RAB3B: variants seen among roughly 807,000 people sequenced by gnomAD.
The protein encoded by RAB3B is ras-related protein Rab-3B.
RAB3B carries 11 observed loss-of-function variants against 20.5 expected under a neutral mutation model. The observed-to-expected ratio is 0.54, with a 90% confidence interval of 0.34 to 0.89. RAB3B has a LOEUF of 0.89. Ranked by LOEUF, RAB3B falls within the 40% of genes least tolerant of loss-of-function variation. The pLI is 0.02. For missense variants in RAB3B, 225 were observed against 280.9 expected (o/e 0.80, Z 1.42); for synonymous variants, 99 against 106.3 (o/e 0.93, Z 0.42).
intron 1 of RAB3B, among the ~76,000 whole-genome samples, chr1:51,984,663 C>A (rs550030988): frequency 1.1e-3 from 170 of 152,226 alleles, no homozygotes; most frequent in Non-Finnish European, 2.1e-3. Context: ...TGTTTTTCTA[C>A]TCTTAATTAT....
chr1:51,980,862 A>G lies in RAB3B; in HGVS notation c.1-3745T>C. 3 of 660,038 alleles carry G rather than the reference A, an allele frequency of 4.5e-6. 1 individual carries two copies. In the South Asian group the frequency reaches 5.0e-5, roughly 11 times the overall value. 40.9% of individuals were successfully genotyped at this position (660,038 alleles called of 1,614,324 possible). A position where few individuals can be genotyped will look rare whatever the true frequency, so the allele number is the denominator to read the frequency against. The stretch of plus-strand genomic sequence containing the variant: ...AGACTGAAGATGGACTATTTCCTGG[A>G]GAAAAATAAAATGGAAATTGTACTT... On this transcript the variant is annotated intron_variant, in intron 1 of 4. Coordinates refer to ENST00000371655, the MANE Select transcript of RAB3B (RefSeq NM_002867.4).
chr1:51,988,296 C>G (rs943239019), intron 1 of RAB3B, among the ~76,000 whole-genome samples: 12 of 152,134 alleles, frequency 7.9e-5, no homozygotes, highest in Non-Finnish European at 1.2e-4. Context: ...TAGACCATTC[C>G]CCACTGCTGA....
chr1:51,977,498 T>C (rs1685026791), intron 1 of RAB3B, among the ~76,000 whole-genome samples: 1 of 150,906 alleles, frequency 6.6e-6, no homozygotes, highest in Non-Finnish European at 1.5e-5. Flanking sequence ...GACAGAGGAG[T>C]CCTGGCTGAG....
intron 3 of RAB3B, among the ~76,000 whole-genome samples, chr1:51,935,516 T>C (rs552325077): frequency 6.6e-6 from 1 of 152,328 alleles, no homozygotes; most frequent in East Asian, 1.9e-4. Context: ...TGCTACTCTT[T>C]CTTTCATCTT....
Position 51,933,362 on chromosome 1 carries a change from C to T in RAB3B, c.428G>A (p.Arg143Lys), listed in dbSNP as rs1456999796. 18 of 1,613,906 alleles carry T rather than the reference C, an allele frequency of 1.1e-5. No individual in the cohort carries two copies. The highest frequency in any genetic ancestry group is 1.5e-5 in the Non-Finnish European group (18 of 1,179,978). ...VGNKCDMEEE[R>K]VVPTEKGQLL... is the part of the protein sequence containing the mutation. ...CTGGCCCTTCTCAGTGGGAACAACC[C>T]TCTCTTCCTCCATGTCACACTTGTT... is the stretch of plus-strand genomic sequence containing the variant. Residue 143 changes from arginine to lysine, a missense_variant, in exon 4 of 5, where the codon AGG becomes AAG. Arg to Lys is a conservative substitution (Grantham distance 26). Coordinates refer to ENST00000371655, the MANE Select transcript of RAB3B (RefSeq NM_002867.4).
intron 2 of RAB3B, among the ~76,000 whole-genome samples, chr1:51,951,813 C>CA (rs1557970107): frequency 6.6e-6 from 1 of 152,064 alleles, no homozygotes; most frequent in South Asian, 2.1e-4. Flanking sequence ...GACAATGTCT[C>CA]AAAAAAATAA....
chr1:51,971,460 T>C (rs1171866098), intron 2 of RAB3B, among the ~76,000 whole-genome samples: 1 of 148,484 alleles, frequency 6.7e-6, no homozygotes, highest in Non-Finnish European at 1.5e-5. Context: ...TGAGATGGAG[T>C]CTCGCTCTGT....
At position 51,917,434 on chromosome 1, in the gene RAB3B, C is replaced by T. The variant is rs1684101889; in HGVS notation, c.*2493G>A. On this transcript the variant is annotated 3_prime_UTR_variant, in exon 5 of 5. Transcript: ENST00000371655. ...AAGTGGAAAGTAACTGGCCCAGAGT[C>T]ACAGTTGATTTAATGACAGAGTCCG... 1 of 152,090 alleles carries T rather than the reference C, an allele frequency of 6.6e-6. No homozygotes were observed. Among genetic ancestry groups the T allele is most frequent in the Non-Finnish European group, 1.5e-5 (1 of 68,028 alleles). The allele number at this position is 152,090 out of a possible 1,614,324, so 9.4% of individuals were successfully genotyped here.
intron 2 of RAB3B, among the ~76,000 whole-genome samples, chr1:51,957,239 T>C (rs1452923204): frequency 1.3e-5 from 2 of 152,150 alleles, no homozygotes; most frequent in African/African-American, 4.8e-5. Context: ...TTTAAATCCC[T>C]ATGGGAACAA....
At chr1:51,946,269 G>A (rs1005316023) in intron 2 of RAB3B, among the ~76,000 whole-genome samples, 1 of 152,172 alleles carries the variant, frequency 6.6e-6, no homozygotes, top group Non-Finnish European at 1.5e-5. Flanking sequence ...AAAGAAAAGC[G>A]AGGTTGGAAA....
intron 1 of RAB3B, among the ~76,000 whole-genome samples, chr1:51,978,489 T>TTCC (rs1446382600): frequency 6.6e-6 from 1 of 152,224 alleles, no homozygotes; most frequent in Non-Finnish European, 1.5e-5. Context: ...CAGCAAATAT[T>TTCC]TAATACATGC....
At chr1:51,984,465 A>G (rs1463107813) in intron 1 of RAB3B, among the ~76,000 whole-genome samples, 1 of 134,392 alleles carries the variant, frequency 7.4e-6, no homozygotes, top group Non-Finnish European at 1.5e-5. Flanking sequence ...ATCTTGGCTC[A>G]CTGCAACCTC....
chr1:51,985,087 C>A (rs1685134830), intron 1 of RAB3B, among the ~76,000 whole-genome samples: 1 of 152,182 alleles, frequency 6.6e-6, no homozygotes, highest in African/African-American at 2.4e-5. Flanking sequence ...AGAGAAAATA[C>A]CACCTACTTC....
intron 2 of RAB3B, among the ~76,000 whole-genome samples, chr1:51,962,410 G>A (rs941099629): frequency 2.0e-5 from 3 of 152,340 alleles, no homozygotes; most frequent in East Asian, 3.9e-4. Context: ...TTCAGAATAA[G>A]AATGGCACTT....
At chr1:51,989,343 A>G (rs1685193392) in intron 1 of RAB3B, among the ~76,000 whole-genome samples, 1 of 150,510 alleles carries the variant, frequency 6.6e-6, no homozygotes, top group East Asian at 2.0e-4. Flanking sequence ...AGTTGCTTCC[A>G]TGCTTGGACT....
intron 2 of RAB3B, among the ~76,000 whole-genome samples, chr1:51,976,592 G>C (rs1685012734): frequency 6.6e-6 from 1 of 152,162 alleles, no homozygotes; most frequent in South Asian, 2.1e-4. Flanking sequence ...ACTAGTAAGT[G>C]GTAGAAGCAG....
chr1:51,981,148 A>T (rs1053620320), intron 1 of RAB3B, among the ~76,000 whole-genome samples: 4 of 152,096 alleles, frequency 2.6e-5, no homozygotes, highest in African/African-American at 7.2e-5. Flanking sequence ...CTCTTACCTC[A>T]GCCTCCCGAG....
chr1:51,968,042 T>C (rs1684880332), intron 2 of RAB3B, among the ~76,000 whole-genome samples: 1 of 151,910 alleles, frequency 6.6e-6, no homozygotes, highest in Non-Finnish European at 1.5e-5. Context: ...TTCAGAGAGG[T>C]TGGAAGATGT....
chr1:51,967,529 T>TTTTTTTTTTTTTTTTTTTTTTC (rs1306784330), intron 2 of RAB3B, among the ~76,000 whole-genome samples: 1 of 80,310 alleles, frequency 1.2e-5, no homozygotes, highest in Non-Finnish European at 2.8e-5. Flanking sequence ...TTCTTTTTTT[T>TTTTTTTTTTTTTTTTTTTTTTC]TTTTTTTTTT....
Sources: gnomAD v4.1 joint callset for allele counts (sites outside exome capture counted in the v4.1 genomes callset) on GRCh38, gnomAD v4.1.1 for gene constraint, MANE v1.5 for transcripts, NCBI Gene and HGNC (gene_info 2026-07-23, HGNC 2026-07-21) for gene names.